The following ASAP1 variants were observed in gnomAD, a reference collection of about 807,000 sequenced individuals.
The protein encoded by ASAP1 is arf-GAP with SH3 domain, ANK repeat and PH domain-containing protein 1.
ASAP1 carries 43 observed loss-of-function variants against 145.2 expected under a neutral mutation model. That is an observed-to-expected ratio of 0.30 (90% CI 0.23 to 0.38). The LOEUF (loss-of-function observed/expected upper bound fraction) is 0.38, where lower values mean the gene tolerates loss of function less well. Among genes scored for constraint, ASAP1 ranks in the 10% least tolerant of loss-of-function variants. The pLI, the probability that ASAP1 is intolerant of heterozygous loss-of-function variation, is 1.00. For synonymous variants in ASAP1, 546 were observed against 515.5 expected, an observed-to-expected ratio of 1.06 and a Z score of -0.80; for missense variants, 1,018 against 1,355.3, an observed-to-expected ratio of 0.75 and a Z score of 3.91.
chr8:130,217,306 T>G (rs983373783), intron 4 of ASAP1, among the ~76,000 whole-genome samples: 2 of 152,138 alleles, frequency 1.3e-5, no homozygotes, highest in African/African-American at 4.8e-5. Flanking sequence ...CATATCTTTT[T>G]TTTTGGTTTT....
At chr8:130,393,486 T>A (rs1004514918) in intron 2 of ASAP1, among the ~76,000 whole-genome samples, 1 of 152,200 alleles carries the variant, frequency 6.6e-6, no homozygotes. Context: ...CCAAGCACAG[T>A]GGCTCATGCC....
intron 3 of ASAP1, among the ~76,000 whole-genome samples, chr8:130,265,316 A>C (rs933235368): frequency 1.3e-4 from 20 of 152,164 alleles, no homozygotes; most frequent in Non-Finnish European, 7.4e-5. Context: ...CACCCCTGTA[A>C]TCCTGGCACT....
intron 2 of ASAP1, among the ~76,000 whole-genome samples, chr8:130,391,773 T>C (rs1452114680): frequency 6.6e-6 from 1 of 152,236 alleles, no homozygotes; most frequent in Non-Finnish European, 1.5e-5. Flanking sequence ...TATTCTTAGA[T>C]AGCACATTAT....
intron 5 of ASAP1, among the ~76,000 whole-genome samples, chr8:130,210,445 C>T (rs1816508280): frequency 1.3e-5 from 2 of 152,082 alleles, no homozygotes; most frequent in Admixed American, 1.3e-4. Context: ...ACATAGTGTC[C>T]TTAGTCATTT....
intron 1 of ASAP1, among the ~76,000 whole-genome samples, chr8:130,411,668 A>G (rs1829271675): frequency 6.6e-6 from 1 of 152,218 alleles, no homozygotes; most frequent in Non-Finnish European, 1.5e-5. Context: ...GAAGTTGTAT[A>G]AGTGTAGAAA....
chr8:130,310,236 TAGAA>T (rs1823259547), intron 3 of ASAP1, among the ~76,000 whole-genome samples: 4 of 152,040 alleles, frequency 2.6e-5, no homozygotes, highest in Middle Eastern at 6.8e-3. Flanking sequence ...CTACAAATAA[TAGAA>T]ATAACCATTG....
At chr8:130,237,152 C>T (rs1440602921) in intron 3 of ASAP1, among the ~76,000 whole-genome samples, 158 bp from the exon 4 acceptor site, 4 of 152,070 alleles carry the variant, frequency 2.6e-5, no homozygotes, top group Non-Finnish European at 5.9e-5. Flanking sequence ...CTGGAAGTCC[C>T]TGGGATCTGA....
intron 3 of ASAP1, among the ~76,000 whole-genome samples, chr8:130,341,405 G>A (rs757574762): frequency 6.6e-6 from 1 of 152,138 alleles, no homozygotes; most frequent in Non-Finnish European, 1.5e-5. Context: ...AGCAGTTAAT[G>A]GCAGAGACTT....
chr8:130,441,713 G>A (rs1830493366), intron 1 of ASAP1, among the ~76,000 whole-genome samples: 1 of 152,210 alleles, frequency 6.6e-6, no homozygotes, highest in Admixed American at 6.5e-5. Flanking sequence ...CTGGCTCGCT[G>A]TGGCTGGTGA....
chr8:130,358,232 C>T lies in ASAP1; in HGVS notation c.60-89G>A. 1 of 1,041,414 alleles carries T rather than the reference C, an allele frequency of 9.6e-7. No homozygotes were observed. 64.5% of individuals were successfully genotyped at this position (1,041,414 alleles called of 1,614,324 possible). ...CGCGGGCCGCCCGGAGGCTCATGAA[C>T]CCCGGCGCGCAGCCCGCCACCCGCC... is the stretch of plus-strand genomic sequence containing the variant. On this transcript the variant is annotated intron_variant, in intron 2 of 29. Coordinates refer to ENST00000518721, the MANE Select transcript of ASAP1 (RefSeq NM_018482.4). The surrounding 1 kb of genome is among the most constrained non-coding windows in gnomAD (Gnocchi z 4.1).
intron 4 of ASAP1, among the ~76,000 whole-genome samples, chr8:130,226,329 T>G (rs1388927667): frequency 6.6e-6 from 1 of 152,176 alleles, no homozygotes; most frequent in Non-Finnish European, 1.5e-5. Context: ...GTCTAAACTC[T>G]TTATTTTCTT....
intron 18 of ASAP1, among the ~76,000 whole-genome samples, chr8:130,119,788 G>A (rs751334006): frequency 1.9e-4 from 29 of 150,786 alleles, no homozygotes; most frequent in East Asian, 4.0e-4. Flanking sequence ...CTGCTTAATC[G>A]TCATGAGCTT....
Position 130,430,641 on chromosome 8 carries a change from T to C in ASAP1, c.-28+12819A>G, listed in dbSNP as rs1366668966. The stretch of plus-strand genomic sequence containing the variant: ...AGCTCAGAGGATGGGCTGAGGGCAG[T>C]GAGGTAGGAGAGGGTTGGATGATTC... On this transcript the variant is annotated intron_variant, in intron 1 of 29. Coordinates refer to ENST00000518721, the MANE Select transcript of ASAP1 (RefSeq NM_018482.4). Among the ~76,000 whole-genome samples, 3 of 151,734 alleles carry C rather than the reference T, an allele frequency of 2.0e-5. No homozygotes were observed. In the East Asian group the frequency reaches 5.8e-4, roughly 29 times the overall value.
intron 2 of ASAP1, among the ~76,000 whole-genome samples, chr8:130,388,312 G>C (rs1486464301): frequency 3.9e-5 from 6 of 152,216 alleles, no homozygotes; most frequent in South Asian, 4.1e-4. Context: ...TAAGAAATCT[G>C]AATTTCATTC....
rs2097574336 is a variant in ASAP1 at position 130,125,948 on chromosome 8, C to A, written c.1515+8G>T. ...TATCATTCTTCCCAAGTACAGGTCA[C>A]TACTTACCAAGAGTTCAGAAGTTCC... On this transcript the variant is annotated splice_region_variant and intron_variant, in intron 17 of 29. Transcript: ENST00000518721. 6.2e-7 allele frequency: 1 copy of A among 1,607,396 alleles called. No individual in the cohort carries two copies. The highest frequency in any genetic ancestry group is 1.1e-5 in the South Asian group (1 of 89,184).
At chr8:130,178,399 C>G (rs925829732) in intron 9 of ASAP1, among the ~76,000 whole-genome samples, 9 of 152,128 alleles carry the variant, frequency 5.9e-5, no homozygotes, top group Non-Finnish European at 1.0e-4. Flanking sequence ...AATAAGTAAA[C>G]AAGCAAATGT....
intron 24 of ASAP1, among the ~76,000 whole-genome samples, chr8:130,098,424 A>G (rs1039886809): frequency 6.6e-6 from 1 of 152,032 alleles, no homozygotes; most frequent in Non-Finnish European, 1.5e-5. Context: ...GCTCACTGCA[A>G]TGTCCACCTC....
intron 3 of ASAP1, among the ~76,000 whole-genome samples, chr8:130,336,367 AAAG>A (rs1470310756): frequency 6.6e-6 from 1 of 152,216 alleles, no homozygotes; most frequent in Non-Finnish European, 1.5e-5. Context: ...TGAGAATTGA[AAAG>A]AAATGCAGAT....
In ASAP1 at chr8:130,371,682, C is replaced by A. The variant is rs1483034889; in HGVS notation, c.60-13539G>T. ...AATGTGGTTGTGACGGCTGACACTCCAGCAACCATTTGGGATCCTAAAGCA... is the reference window on the plus strand; with the variant it reads ...AATGTGGTTGTGACGGCTGACACTCAAGCAACCATTTGGGATCCTAAAGCA... On this transcript the variant is annotated intron_variant, in intron 2 of 29. Transcript: ENST00000518721. Among the ~76,000 whole-genome samples, 5 of 152,262 alleles carry A rather than the reference C, an allele frequency of 3.3e-5. No individual in the cohort carries two copies. The East Asian group carries it at 9.6e-4, about 29-fold the overall frequency.
Sources: gnomAD v4.1 joint callset for allele counts (sites outside exome capture counted in the v4.1 genomes callset) on GRCh38, gnomAD v4.1.1 for gene constraint, Gnocchi (gnomAD v3.1) non-coding constraint, MANE v1.5 for transcripts, NCBI Gene and HGNC (gene_info 2026-07-23, HGNC 2026-07-21) for gene names.